PKHD1: variants seen among roughly 807,000 people sequenced by gnomAD.
PKHD1 encodes PKHD1 ciliary IPT domain containing fibrocystin/polyductin, also known as fibrocystin.
In PKHD1, 291 loss-of-function variants were observed where a neutral mutation model predicts 412.0. The ratio of observed to expected loss-of-function variants is 0.71; its 90% confidence interval spans 0.64 to 0.78. PKHD1 has a LOEUF of 0.78. Among genes scored for constraint, PKHD1 ranks in the 30% least tolerant of loss-of-function variants. The pLI is 0.00. For missense variants in PKHD1, 4,825 were observed against 4,950.7 expected, an observed-to-expected ratio of 0.97 and a Z score of 0.76; for synonymous variants, 1,777 against 1,821.5, an observed-to-expected ratio of 0.98 and a Z score of 0.62.
chr6:51,991,263 AAAAG>A (rs1797010590), intron 35 of PKHD1, among the ~76,000 whole-genome samples: 1 of 152,362 alleles, frequency 6.6e-6, no homozygotes, highest in South Asian at 2.1e-4. Context: ...AGATAGAAAC[AAAAG>A]AAAGAGAAAA....
At chr6:51,778,473 A>G (rs1791427237) in intron 53 of PKHD1, among the ~76,000 whole-genome samples, 1 of 152,068 alleles carries the variant, frequency 6.6e-6, no homozygotes, top group Non-Finnish European at 1.5e-5. Context: ...TAAATGGCGA[A>G]GTTGGGCCTT....
intron 64 of PKHD1, 114 bp downstream of exon 64, chr6:51,638,735 C>G: frequency 1.4e-6 from 1 of 737,580 alleles, no homozygotes; most frequent in Middle Eastern, 3.8e-4. Flanking sequence ...ATTTTCTAAA[C>G]TATGATGACC....
intron 60 of PKHD1, among the ~76,000 whole-genome samples, chr6:51,705,841 G>A (rs544554063): frequency 3.3e-5 from 5 of 152,180 alleles, no homozygotes; most frequent in South Asian, 2.1e-4. Flanking sequence ...CATGGTCATG[G>A]GCAGAGAAGG....
At chr6:51,747,162 A>G (rs1465465251) in intron 58 of PKHD1, among the ~76,000 whole-genome samples, 1 of 152,184 alleles carries the variant, frequency 6.6e-6, no homozygotes, top group Non-Finnish European at 1.5e-5. Flanking sequence ...AAATCCATTC[A>G]TTTTACAGAA....
intron 49 of PKHD1, 51 bp downstream of exon 49, chr6:51,855,842 A>T (rs183039826): frequency 1.7e-5 from 23 of 1,368,662 alleles, no homozygotes; most frequent in Admixed American, 6.7e-5. Flanking sequence ...ACAAAGAAAG[A>T]TAAGAACAAA....
intron 35 of PKHD1, among the ~76,000 whole-genome samples, chr6:51,981,317 CTCTCCCTCTCCCTCTCCCTCTCCCT>C (rs1795150227): frequency 7.2e-5 from 1 of 13,878 alleles, no homozygotes; most frequent in Non-Finnish European, 2.3e-4. Context: ...CAAGCTCTCC[CTCTCCCTCTCCCTCTCCCTCTCCCT>C]CTCCCTCTCC....
In PKHD1 at chr6:51,850,376, G is replaced by C. The variant is rs1295521454; in HGVS notation, c.7912-2406C>G. On this transcript the variant is annotated intron_variant, in intron 49 of 66. Transcript: ENST00000371117. ...GCTTAGGATTGTCTTGGCTATACAGGGTCTTCTTCGATTCCATGTGAAATT... is the reference window on the plus strand; with the variant it reads ...GCTTAGGATTGTCTTGGCTATACAGCGTCTTCTTCGATTCCATGTGAAATT... 3.3e-5 allele frequency among the ~76,000 whole-genome samples: 5 copies of C among 152,044 alleles called. 1 individual carries two copies. The highest frequency in any genetic ancestry group is 1.2e-4 in the African/African-American group (5 of 41,406).
chr6:51,910,653 C>T (rs1782797281), intron 39 of PKHD1, among the ~76,000 whole-genome samples: 1 of 152,150 alleles, frequency 6.6e-6, no homozygotes, highest in Non-Finnish European at 1.5e-5. Flanking sequence ...TCACTGGCAG[C>T]ATGATCAAAT....
Position 51,911,651 on chromosome 6 carries a change from T to C in PKHD1, c.6490+148A>G, listed in dbSNP as rs150345133. On this transcript the variant is annotated intron_variant, in intron 39 of 66. Coordinates refer to ENST00000371117, the MANE Select transcript of PKHD1 (RefSeq NM_138694.4). ...GAGGATGAAATGACAATCAAGAGCA[T>C]TCTGAAAACTACAGAAAAGTATGGG... The C allele has an allele frequency of 8.0e-5, 56 of 700,346 alleles. 1 individual carries two copies. The African/African-American group carries it at 9.7e-4, about 12-fold the overall frequency. The allele number at this position is 700,346 out of a possible 1,614,324, so 43.4% of individuals were successfully genotyped here. A position where few individuals can be genotyped will look rare whatever the true frequency, so the allele number is the denominator to read the frequency against.
chr6:51,975,665 G>A (rs1794306460), intron 35 of PKHD1: 2 of 149,012 alleles, frequency 1.3e-5, no homozygotes, highest in African/African-American at 4.9e-5. Context: ...AAAGTGAAGT[G>A]CAGTGTTGCC....
chr6:51,888,118 A>G (rs1487386254), intron 43 of PKHD1, among the ~76,000 whole-genome samples: 2 of 152,242 alleles, frequency 1.3e-5, no homozygotes, highest in African/African-American at 4.8e-5. Flanking sequence ...ACATGATTGG[A>G]CCAGTCATGA....
intron 49 of PKHD1, among the ~76,000 whole-genome samples, chr6:51,854,133 T>A (rs550893957): frequency 3.9e-4 from 59 of 152,232 alleles, no homozygotes; most frequent in Non-Finnish European, 5.9e-4. Context: ...TTTGTTGTTG[T>A]TGATGCTGTT....
chr6:51,930,987 GT>G (rs1470997334), intron 37 of PKHD1, among the ~76,000 whole-genome samples: 1 of 152,184 alleles, frequency 6.6e-6, no homozygotes, highest in Non-Finnish European at 1.5e-5. Context: ...ATTAATATGT[GT>G]TTTGTGTGCC....
chr6:51,665,779 G>A (rs1773656838), intron 60 of PKHD1, among the ~76,000 whole-genome samples: 1 of 152,110 alleles, frequency 6.6e-6, no homozygotes, highest in African/African-American at 2.4e-5. Context: ...AAAGTGAGAG[G>A]CTAATGTTGG....
chr6:51,616,071 A>T lies in PKHD1; in HGVS notation c.*3010T>A, dbSNP rs546702680. ...ATTTATAGATGTTCTTTATTTGACA[A>T]ATAAAAATTGTATATATTTATCATG... On this transcript the variant is annotated 3_prime_UTR_variant, in exon 67 of 67. Coordinates refer to ENST00000371117, the MANE Select transcript of PKHD1 (RefSeq NM_138694.4). The T allele has an allele frequency of 6.6e-6, 1 of 152,164 alleles. No individual in the cohort carries two copies. The highest frequency in any genetic ancestry group is 1.5e-5 in the Non-Finnish European group (1 of 68,038). 9.4% of individuals were successfully genotyped at this position (152,164 alleles called of 1,614,324 possible). A position where few individuals can be genotyped will look rare whatever the true frequency, so the allele number is the denominator to read the frequency against.
At position 52,053,200 on chromosome 6, in the gene PKHD1, C is replaced by T; in HGVS notation, c.2016G>A (p.Gly672=). The T allele has an allele frequency of 2.5e-6, 4 of 1,614,156 alleles. No homozygotes were observed. The highest frequency in any genetic ancestry group is 2.5e-6 in the Non-Finnish European group (3 of 1,180,012). The change falls in exon 21 of 67, where the codon GGG becomes GGA. Residue 672 remains glycine (G), a synonymous_variant. Transcript: ENST00000371117. ...DLWETCVRCF[G]DLQPPPANSP... is the part of the protein sequence containing the mutation. ...AGTTTGCCGGAGGGGGCTGGAGATC[C>T]CCGAAGCAACGCACACAAGTCTCCC...
chr6:51,959,841 A>C (rs1456066955), intron 36 of PKHD1, 29 bp downstream of exon 36: 1 of 1,592,080 alleles, frequency 6.3e-7, no homozygotes, highest in African/African-American at 1.3e-5. Flanking sequence ...CATATAGAAT[A>C]ATATTACCAA....
Position 52,046,131 on chromosome 6 carries a change from T to G in PKHD1, c.2465A>C (p.Asp822Ala). 1 of 1,613,674 alleles carries G rather than the reference T, an allele frequency of 6.2e-7. No individual in the cohort carries two copies. Among genetic ancestry groups the G allele is most frequent in the Non-Finnish European group, 8.5e-7 (1 of 1,179,568 alleles). Residue 822 changes from aspartate to alanine, a missense_variant, in exon 24 of 67, where the codon GAT (aspartate) becomes GCT (alanine). Coordinates refer to ENST00000371117, the MANE Select transcript of PKHD1 (RefSeq NM_138694.4). Reference sequence around the variant, plus strand: ...ATTGAGGTACCTGGATGTGAAGTCATCGGCATTATTCTGTAAGAGCTGGTG... The same window carrying G: ...ATTGAGGTACCTGGATGTGAAGTCAGCGGCATTATTCTGTAAGAGCTGGTG... ...HLHQLLQNNA[D>A]DFTSRYLNAS...
At chr6:51,721,873 G>A (rs1781965442) in intron 60 of PKHD1, 1 of 1,572,878 alleles carries the variant, frequency 6.4e-7, no homozygotes, top group Non-Finnish European at 8.6e-7. Context: ...TTGAACAATT[G>A]AAACAGTGTC....
Sources: allele counts gnomAD v4.1 joint callset (sites outside exome capture counted in the v4.1 genomes callset), GRCh38; gene constraint gnomAD v4.1.1; transcripts MANE v1.5; gene names NCBI Gene and HGNC (gene_info 2026-07-23, HGNC 2026-07-21).